Variants in COL23A1 observed in about 807,000 individuals in gnomAD.
The protein encoded by COL23A1 is collagen type XXIII alpha 1 chain.
COL23A1 carries 97 observed loss-of-function variants against 99.3 expected under a neutral mutation model. The ratio of observed to expected loss-of-function variants is 0.98; its 90% confidence interval spans 0.83 to 1.16. COL23A1 has a LOEUF of 1.16. Among genes scored for constraint, COL23A1 ranks in the 50% most tolerant of loss-of-function variants. The pLI, the probability that COL23A1 is intolerant of heterozygous loss-of-function variation, is 0.00. For missense variants in COL23A1, 762 were observed against 757.4 expected, an observed-to-expected ratio of 1.01 and a Z score of -0.07; for synonymous variants, 320 against 308.2, an observed-to-expected ratio of 1.04 and a Z score of -0.40.
At chr5:178,257,628 C>T (rs1765380634) in intron 12 of COL23A1, 61 bp from the exon 13 acceptor site, 1 of 1,490,106 alleles carries the variant, frequency 6.7e-7, no homozygotes, top group Non-Finnish European at 9.2e-7. Context: ...GGGCCCCTCC[C>T]TCCTCTGGAC....
At position 178,590,273 on chromosome 5, in the gene COL23A1, G is replaced by C; in HGVS notation, c.-76C>G. On this transcript the variant is annotated 5_prime_UTR_variant, in exon 1 of 29. Transcript: ENST00000390654. The surrounding 1 kb of genome is among the most constrained non-coding windows in gnomAD (Gnocchi z 5.7). ...GAGGCTGGGTGCGAGAGGAGCAGGC[G>C]GGACAGCCCGAGGCACGAGGTCCGC... 7 of 1,155,948 alleles carry C rather than the reference G, an allele frequency of 6.1e-6. No individual in the cohort carries two copies. The highest frequency in any genetic ancestry group is 7.5e-6 in the Non-Finnish European group (7 of 934,144). 71.6% of individuals were successfully genotyped at this position (1,155,948 alleles called of 1,614,324 possible).
chr5:178,506,981 T>C (rs1758909079), intron 2 of COL23A1, among the ~76,000 whole-genome samples: 1 of 152,212 alleles, frequency 6.6e-6, no homozygotes, highest in Non-Finnish European at 1.5e-5. Context: ...TTTTATTCGT[T>C]TTAGTTTAAT....
At chr5:178,527,596 CCAA>C (rs1207688603) in intron 2 of COL23A1, among the ~76,000 whole-genome samples, 1 of 152,216 alleles carries the variant, frequency 6.6e-6, no homozygotes, top group Non-Finnish European at 1.5e-5. Flanking sequence ...GACTCGGTTA[CCAA>C]CGAGGGGCCA....
intron 2 of COL23A1, among the ~76,000 whole-genome samples, chr5:178,354,647 G>T (rs1581209777): frequency 6.6e-6 from 1 of 152,188 alleles, no homozygotes; most frequent in African/African-American, 2.4e-5. Context: ...GCCATGTGAA[G>T]ATGTGCCTGC....
At chr5:178,358,076 G>GTCTAA (rs1761841638) in intron 2 of COL23A1, among the ~76,000 whole-genome samples, 1 of 145,980 alleles carries the variant, frequency 6.9e-6, no homozygotes, top group African/African-American at 2.5e-5. Context: ...TTGTGTGTAT[G>GTCTAA]TGTATGTACG....
chr5:178,352,924 G>T (rs900917028), intron 2 of COL23A1, among the ~76,000 whole-genome samples: 10 of 152,208 alleles, frequency 6.6e-5, no homozygotes, highest in African/African-American at 2.4e-4. Context: ...AGAAGAGTTG[G>T]CAAGCTGCTC....
At chr5:178,315,446 C>A (rs2973702) in intron 2 of COL23A1, among the ~76,000 whole-genome samples, 97,079 of 152,032 alleles carry the variant, frequency 0.64, 31,896 homozygotes, top group Non-Finnish European at 0.69. Flanking sequence ...CAGATAAAAA[C>A]CCTGAGGCCC....
chr5:178,409,471 T>C (rs1764953252), intron 2 of COL23A1, among the ~76,000 whole-genome samples: 1 of 148,954 alleles, frequency 6.7e-6, no homozygotes, highest in Non-Finnish European at 1.5e-5. Flanking sequence ...GTATAGTGAC[T>C]GTGGTGGTAT....
At chr5:178,494,599 C>T (rs889100104) in intron 2 of COL23A1, among the ~76,000 whole-genome samples, 6 of 152,176 alleles carry the variant, frequency 3.9e-5, no homozygotes, top group Admixed American at 2.0e-4. Flanking sequence ...CACTGGAACC[C>T]GGGAGGTGGA....
intron 2 of COL23A1, among the ~76,000 whole-genome samples, chr5:178,368,025 G>C (rs1762585182): frequency 6.6e-6 from 1 of 152,356 alleles, no homozygotes; most frequent in South Asian, 2.1e-4. Context: ...GTGGCGCATG[G>C]AGGGGCAGGG....
Position 178,408,934 on chromosome 5 carries a change from G to A in COL23A1, c.362-102015C>T, listed in dbSNP as rs867810551. On this transcript the variant is annotated intron_variant, in intron 2 of 28. Transcript: ENST00000390654. The stretch of plus-strand genomic sequence containing the variant: ...CGTGCCACTGCACTCCAGCCTGGGC[G>A]ACAAGAGCGAAACTCTGTCTCAAAA... Among the ~76,000 whole-genome samples the A allele has an allele frequency of 1.8e-4, 25 of 135,142 alleles. No individual in the cohort carries two copies. In the Middle Eastern group the frequency reaches 0.015, roughly 79 times the overall value. 88.7% of individuals were successfully genotyped at this position (135,142 alleles called of 152,430 possible). A position where few individuals can be genotyped will look rare whatever the true frequency, so the allele number is the denominator to read the frequency against.
chr5:178,461,641 C>G (rs149281486), intron 2 of COL23A1, among the ~76,000 whole-genome samples: 57 of 152,340 alleles, frequency 3.7e-4, no homozygotes, highest in African/African-American at 1.4e-3. Flanking sequence ...GAAGCTCCTG[C>G]TGGCTCACGG....
intron 2 of COL23A1, among the ~76,000 whole-genome samples, chr5:178,530,270 G>A (rs780843856): frequency 1.1e-4 from 16 of 152,138 alleles, no homozygotes; most frequent in Non-Finnish European, 1.3e-4. Context: ...AGGCCAGCCT[G>A]AGCAATATGG....
At chr5:178,528,565 G>A (rs958150837) in intron 2 of COL23A1, among the ~76,000 whole-genome samples, 2 of 152,238 alleles carry the variant, frequency 1.3e-5, no homozygotes, top group East Asian at 1.9e-4. Context: ...TGTAATCCCA[G>A]CACTTTGGGA....
intron 16 of COL23A1, among the ~76,000 whole-genome samples, chr5:178,253,164 C>T (rs1765122927): frequency 6.6e-6 from 1 of 152,170 alleles, no homozygotes; most frequent in South Asian, 2.1e-4. Context: ...CTGCAGGCTA[C>T]CTGCCACCAG....
chr5:178,533,381 C>A (rs1760757943), intron 2 of COL23A1, among the ~76,000 whole-genome samples: 1 of 152,200 alleles, frequency 6.6e-6, no homozygotes, highest in East Asian at 1.9e-4. Flanking sequence ...GACTCCACTC[C>A]TTCTCCAGGA....
intron 24 of COL23A1, 52 bp from the exon 25 acceptor site, chr5:178,246,020 C>T (rs1561784185): frequency 6.2e-7 from 1 of 1,604,724 alleles, no homozygotes; most frequent in Non-Finnish European, 8.5e-7. Context: ...GTGCTGGGAG[C>T]ACAGCTGCTG....
chr5:178,472,967 T>C (rs1756835770), intron 2 of COL23A1, among the ~76,000 whole-genome samples: 1 of 151,920 alleles, frequency 6.6e-6, no homozygotes, highest in Admixed American at 6.6e-5. Flanking sequence ...TCTACAAAAA[T>C]TAAAAAATTA....
Position 178,307,838 on chromosome 5 carries a change from T to C in COL23A1, c.362-919A>G, listed in dbSNP as rs1208567578. ...ACCCACTGTATGCCAGGATCTGGGC[T>C]GGGCCTGGAGGCGACAGTGGGACAG... On this transcript the variant is annotated intron_variant, in intron 2 of 28. Coordinates refer to ENST00000390654, the MANE Select transcript of COL23A1 (RefSeq NM_173465.4). The surrounding 1 kb of genome is among the most constrained non-coding windows in gnomAD (Gnocchi z 4.2). Among the ~76,000 whole-genome samples the C allele has an allele frequency of 6.6e-6, 1 of 152,242 alleles. No individual in the cohort carries two copies. Among genetic ancestry groups the C allele is most frequent in the Non-Finnish European group, 1.5e-5 (1 of 68,046 alleles).
Sources: gnomAD v4.1 joint callset for allele counts (sites outside exome capture counted in the v4.1 genomes callset) on GRCh38, gnomAD v4.1.1 for gene constraint, Gnocchi (gnomAD v3.1) non-coding constraint, MANE v1.5 for transcripts, NCBI Gene and HGNC (gene_info 2026-07-23, HGNC 2026-07-21) for gene names.